Variants in SLC22A7 observed in about 807,000 individuals in gnomAD.
SLC22A7 encodes hOAT2.
Under a neutral mutation model 62.2 loss-of-function variants are expected in SLC22A7, and 48 were observed. That is an observed-to-expected ratio of 0.77 (90% CI 0.61 to 0.98). The LOEUF is 0.98. Among genes scored for constraint, SLC22A7 ranks in the 50% least tolerant of loss-of-function variants. The probability of loss-of-function intolerance (pLI) is 0.00; values close to 1 mark genes in which losing one functional copy is unlikely to be tolerated. For missense variants in SLC22A7, 581 were observed against 703.8 expected (o/e 0.83, Z 1.97); for synonymous variants, 276 against 314.8 (o/e 0.88, Z 1.30).
At chr6:43,298,856 C>T in intron 1 of SLC22A7, 105 bp downstream of exon 1, 1 of 1,455,540 alleles carries the variant, frequency 6.9e-7, no homozygotes, top group East Asian at 2.3e-5. Flanking sequence ...CTCTTAAAGT[C>T]TCAGTTTACC....
intron 5 of SLC22A7, among the ~76,000 whole-genome samples, chr6:43,300,469 C>T (rs899195002): frequency 1.3e-5 from 2 of 152,024 alleles, no homozygotes; most frequent in African/African-American, 4.8e-5. Flanking sequence ...GATATGTCTA[C>T]ATGTCTGTCC....
In SLC22A7 at chr6:43,304,201, C is replaced by A; in HGVS notation, c.1549C>A (p.Gln517Lys). 1 of 1,588,804 alleles carries A rather than the reference C, an allele frequency of 6.3e-7. No homozygotes were observed. The highest frequency in any genetic ancestry group is 8.6e-7 in the Non-Finnish European group (1 of 1,165,820). Residue 517 changes from glutamine to lysine, a missense_variant, in exon 10 of 11, where the codon CAG (glutamine) becomes AAG (lysine). Physicochemically the swap from Gln to Lys is moderately conservative, Grantham distance 53. Transcript: ENST00000372585. ...CGCCCTCCTGCTGCCAGAGACGAGG[C>A]AGGCACAGCTGCCAGAGACCATCCA... ...GTALLLPETRQAQLPETIQDV... is the reference protein window; with the variant it reads ...GTALLLPETRKAQLPETIQDV...
At chr6:43,300,456 C>G (rs755322020) in intron 5 of SLC22A7, among the ~76,000 whole-genome samples, 11 of 152,014 alleles carry the variant, frequency 7.2e-5, no homozygotes, top group Non-Finnish European at 1.5e-4. Context: ...GATGACCCTT[C>G]TGGATATGTC....
intron 7 of SLC22A7, 50 bp downstream of exon 7, chr6:43,301,742 A>G (rs2150733971): frequency 7.4e-7 from 1 of 1,353,866 alleles, no homozygotes; most frequent in Non-Finnish European, 1.0e-6. Flanking sequence ...AGGGAGGAGC[A>G]AACTCCAGGC....
intron 9 of SLC22A7, 151 bp from the exon 10 acceptor site, chr6:43,303,887 G>A: frequency 1.6e-6 from 1 of 615,870 alleles, no homozygotes; most frequent in Non-Finnish European, 2.6e-6. Context: ...AAGGTGGGTG[G>A]GAAGACCAAC....
chr6:43,302,622 G>T lies in SLC22A7; in HGVS notation c.1277-33G>T. The T allele has an allele frequency of 1.3e-6, 2 of 1,499,312 alleles. No homozygotes were observed. The highest frequency in any genetic ancestry group is 9.2e-7 in the Non-Finnish European group (1 of 1,090,142). The allele number at this position is 1,499,312 out of a possible 1,614,324, so 92.9% of individuals were successfully genotyped here. ...AGAACACCCCTGGCTCTCCTCCAAGGCCCTCTCACTACCTGAACCCGCTTC... is the reference window on the plus strand; with the variant it reads ...AGAACACCCCTGGCTCTCCTCCAAGTCCCTCTCACTACCTGAACCCGCTTC... On this transcript the variant is annotated intron_variant, in intron 8 of 10. Transcript: ENST00000372585. The surrounding 1 kb of genome is among the most constrained non-coding windows in gnomAD (Gnocchi z 5.0).
In SLC22A7 at chr6:43,304,112, A is replaced by G. The variant is rs777284668; in HGVS notation, c.1460A>G (p.Asp487Gly). 52 of 1,605,282 alleles carry G rather than the reference A, an allele frequency of 3.2e-5. No individual in the cohort carries two copies. The highest frequency in any genetic ancestry group is 2.9e-4 in the South Asian group (26 of 89,792). The change falls in exon 10 of 11, where the codon GAT (aspartate) becomes GGT (glycine). Residue 487 changes from aspartate to glycine, a missense_variant. By Grantham distance (94) the Asp-to-Gly change is moderately conservative. Coordinates refer to ENST00000372585, the MANE Select transcript of SLC22A7 (RefSeq NM_153320.2). ...GSLAPLAALL[D>G]GVWLSLPKLT... ...TTGGCCCCACTGGCGGCCTTGCTGG[A>G]TGGAGTGTGGCTGTCACTGCCCAAG...
Position 43,299,489 on chromosome 6 carries a change from G to A in SLC22A7, c.499G>A (p.Asp167Asn), listed in dbSNP as rs746034435. ...VGAVAFGYLS[D>N]RFGRRRLLLV... Reference sequence around the variant, plus strand: ...GGCTGTGGCCTTTGGATATCTGTCCGACAGGTGGGGTGAGGCACTGGGCCA... The same window carrying A: ...GGCTGTGGCCTTTGGATATCTGTCCAACAGGTGGGGTGAGGCACTGGGCCA... Residue 167 changes from aspartate to asparagine, a missense_variant, in exon 3 of 11, where the codon GAC becomes AAC. Transcript: ENST00000372585. This position sits in a 1 kb window ranked among gnomAD's most constrained non-coding sequence, Gnocchi z 4.4. 1.5e-5 allele frequency: 24 copies of A among 1,611,256 alleles called. No homozygotes were observed. In the Middle Eastern group the frequency reaches 8.2e-4, roughly 55 times the overall value.
chr6:43,301,091 A>C, intron 5 of SLC22A7, 44 bp from the exon 6 acceptor site: 1 of 1,612,982 alleles, frequency 6.2e-7, no homozygotes, highest in Non-Finnish European at 8.5e-7. Context: ...CATGTGGCTT[A>C]GGGTCATGAC....
At position 43,298,591 on chromosome 6, in the gene SLC22A7, G is replaced by C. The variant is rs955831633; in HGVS notation, c.233G>C (p.Ser78Thr). ...CCCCGGGAGCCTGATGGCACGCTCA[G>C]CTCCTGCCTCCGCTTTGCCTATCCC... ...HLPREPDGTL[S>T]SCLRFAYPQA... The change falls in exon 1 of 11, where the codon AGC becomes ACC. Residue 78 changes from serine to threonine, a missense_variant. Ser to Thr is a moderately conservative substitution (Grantham distance 58, BLOSUM62 1). Transcript: ENST00000372585. The C allele has an allele frequency of 6.2e-7, 1 of 1,612,396 alleles. No homozygotes were observed. Among genetic ancestry groups the C allele is most frequent in the Non-Finnish European group, 8.5e-7 (1 of 1,178,992 alleles).
chr6:43,299,852 C>G lies in SLC22A7; in HGVS notation c.659-46C>G. On this transcript the variant is annotated intron_variant, in intron 4 of 10. Coordinates refer to ENST00000372585, the MANE Select transcript of SLC22A7 (RefSeq NM_153320.2). This position sits in a 1 kb window ranked among gnomAD's most constrained non-coding sequence, Gnocchi z 4.4. Reference sequence around the variant, plus strand: ...GCAGTTGTCAGAGTGAGGCTGAGCCCATCTGGTCCTCACTAACCATCTTCC... The same window carrying G: ...GCAGTTGTCAGAGTGAGGCTGAGCCGATCTGGTCCTCACTAACCATCTTCC... 6.2e-7 allele frequency: 1 copy of G among 1,614,092 alleles called. No individual in the cohort carries two copies. The highest frequency in any genetic ancestry group is 8.5e-7 in the Non-Finnish European group (1 of 1,179,928).
At position 43,299,512 on chromosome 6, in the gene SLC22A7, C is replaced by A; in HGVS notation, c.503+19C>A. 6.2e-7 allele frequency: 1 copy of A among 1,606,308 alleles called. No homozygotes were observed. The highest frequency in any genetic ancestry group is 8.5e-7 in the Non-Finnish European group (1 of 1,174,874). On this transcript the variant is annotated intron_variant, in intron 3 of 10. Transcript: ENST00000372585. The surrounding 1 kb of genome is among the most constrained non-coding windows in gnomAD (Gnocchi z 4.4). Reference sequence around the variant, plus strand: ...CCGACAGGTGGGGTGAGGCACTGGGCCAATAAGAAACTGGCTGGGGGAACT... The same window carrying A: ...CCGACAGGTGGGGTGAGGCACTGGGACAATAAGAAACTGGCTGGGGGAACT...
Position 43,299,866 on chromosome 6 carries a change from T to C in SLC22A7, c.659-32T>C. 6.2e-7 allele frequency: 1 copy of C among 1,614,198 alleles called. No individual in the cohort carries two copies. Among genetic ancestry groups the C allele is most frequent in the Non-Finnish European group, 8.5e-7 (1 of 1,180,026 alleles). On this transcript the variant is annotated intron_variant, in intron 4 of 10. Transcript: ENST00000372585. This position sits in a 1 kb window ranked among gnomAD's most constrained non-coding sequence, Gnocchi z 4.4. ...GAGGCTGAGCCCATCTGGTCCTCACTAACCATCTTCCTGTCTCCTGTCCTG... is the reference window on the plus strand; with the variant it reads ...GAGGCTGAGCCCATCTGGTCCTCACCAACCATCTTCCTGTCTCCTGTCCTG...
chr6:43,304,712 A>G lies in SLC22A7; in HGVS notation c.1634A>G (p.Gln545Arg), dbSNP rs753259551. 5 of 1,594,826 alleles carry G rather than the reference A, an allele frequency of 3.1e-6. No homozygotes were observed. Among genetic ancestry groups the G allele is most frequent in the East Asian group, 4.6e-5 (2 of 43,646 alleles). ...SLQEEEMPMK[Q>R]VQN ...CAGGAGGAAGAGATGCCCATGAAGC[A>G]GGTCCAGAACTAAGTGGGAGTGGAG... The change falls in exon 11 of 11, where the codon CAG (glutamine) becomes CGG (arginine). Residue 545 changes from glutamine (Q) to arginine (R), a missense_variant. Transcript: ENST00000372585.
At chr6:43,298,865 C>A in intron 1 of SLC22A7, 114 bp downstream of exon 1, 1 of 1,440,376 alleles carries the variant, frequency 6.9e-7, no homozygotes, top group Non-Finnish European at 9.3e-7. Flanking sequence ...TCTCAGTTTA[C>A]CAATCTGTAG....
At chr6:43,303,563 A>G (rs1362453135) in intron 9 of SLC22A7, among the ~76,000 whole-genome samples, 1 of 152,164 alleles carries the variant, frequency 6.6e-6, no homozygotes, top group Non-Finnish European at 1.5e-5. Context: ...CACCCCTGGA[A>G]GGCAGAGATG....
Position 43,302,324 on chromosome 6 carries a change from T to C in SLC22A7, c.1186T>C (p.Ser396Pro). Residue 396 changes from serine to proline, a missense_variant, in exon 8 of 11, where the codon TCG (serine) becomes CCG (proline). Transcript: ENST00000372585. The surrounding 1 kb of genome is among the most constrained non-coding windows in gnomAD (Gnocchi z 5.0). ...ELPSKLLVYL[S>P]VRYAGRRLTQ... ...GCCCTCCAAGCTGCTGGTCTACTTG[T>C]CGGTGCGCTACGCAGGACGCCGCCT... is the stretch of plus-strand genomic sequence containing the variant. 6.2e-7 allele frequency: 1 copy of C among 1,613,726 alleles called. No homozygotes were observed. The highest frequency in any genetic ancestry group is 8.5e-7 in the Non-Finnish European group (1 of 1,179,992).
rs757209300 is a variant in SLC22A7, at chr6:43,299,930, G to A, written c.691G>A (p.Val231Met). 2.2e-5 allele frequency: 36 copies of A among 1,614,048 alleles called. No individual in the cohort carries two copies. The highest frequency in any genetic ancestry group is 2.2e-4 in the Admixed American group (13 of 60,006). Residue 231 changes from valine (V) to methionine (M), a missense_variant, in exon 5 of 11, where the codon GTG becomes ATG. Coordinates refer to ENST00000372585, the MANE Select transcript of SLC22A7 (RefSeq NM_153320.2). This position sits in a 1 kb window ranked among gnomAD's most constrained non-coding sequence, Gnocchi z 4.4. ...LEWLDVEHRTVAGVLSSTFWT... is the reference protein window; with the variant it reads ...LEWLDVEHRTMAGVLSSTFWT... Reference sequence around the variant, plus strand: ...GTGGCTGGATGTGGAGCACCGCACCGTGGCTGGAGTCCTGAGCAGCACCTT... The same window carrying A: ...GTGGCTGGATGTGGAGCACCGCACCATGGCTGGAGTCCTGAGCAGCACCTT...
At chr6:43,296,242 A>G (rs149331710), upstream of SLC22A7, among the ~76,000 whole-genome samples, 81 of 152,368 alleles carry the variant, frequency 5.3e-4, 1 homozygote, top group East Asian at 0.013. Context: ...CTAGGAGCCA[A>G]TGTCAGGAGG....
Sources: gnomAD v4.1 joint callset for allele counts (sites outside exome capture counted in the v4.1 genomes callset) on GRCh38, gnomAD v4.1.1 for gene constraint, Gnocchi (gnomAD v3.1) non-coding constraint, MANE v1.5 for transcripts, NCBI Gene and HGNC (gene_info 2026-07-23, HGNC 2026-07-21) for gene names.